SLC5A11: variants seen among roughly 807,000 people sequenced by gnomAD.
The protein encoded by SLC5A11 is sodium/myo-inositol cotransporter 2.
SLC5A11 carries 48 observed loss-of-function variants against 69.8 expected under a neutral mutation model. The observed-to-expected ratio is 0.69, with a 90% CI of 0.55 to 0.87. The LOEUF (loss-of-function observed/expected upper bound fraction) is 0.87, where lower values mean the gene tolerates loss of function less well. Ranked by LOEUF, SLC5A11 falls within the 40% of genes least tolerant of loss-of-function variation. SLC5A11 has a pLI of 0.00. For synonymous variants in SLC5A11, 319 were observed against 342.4 expected (o/e 0.93, Z 0.75); for missense variants, 784 against 866.1 (o/e 0.91, Z 1.19).
intron 11 of SLC5A11, 89 bp from the exon 13 acceptor site, chr16:24,906,936 T>C: frequency 6.5e-7 from 1 of 1,546,382 alleles, no homozygotes; most frequent in South Asian, 1.2e-5. Flanking sequence ...CCGTCCTCCC[T>C]GAGGTTCTGC....
intron 3 of SLC5A11, among the ~76,000 whole-genome samples, chr16:24,866,357 G>A (rs1261495133): frequency 6.6e-6 from 1 of 151,732 alleles, no homozygotes; most frequent in African/African-American, 2.4e-5. Flanking sequence ...CCAGCACTTT[G>A]GGAGGCCAAG....
intron 8 of SLC5A11, among the ~76,000 whole-genome samples, chr16:24,885,474 G>A (rs12925264): frequency 0.38 from 57,942 of 151,520 alleles, 12,266 homozygotes; most frequent in Non-Finnish European, 0.48. Context: ...TAGTGAGACT[G>A]TCTCTACAAA....
chr16:24,880,939 C>T (rs1464909151), intron 7 of SLC5A11, among the ~76,000 whole-genome samples: 4 of 152,106 alleles, frequency 2.6e-5, no homozygotes, highest in African/African-American at 4.8e-5. Flanking sequence ...CACAGTGGCT[C>T]ACACCTGTAA....
intron 8 of SLC5A11, among the ~76,000 whole-genome samples, chr16:24,888,867 G>T (rs2048580002): frequency 7.6e-6 from 1 of 130,808 alleles, no homozygotes; most frequent in African/African-American, 2.8e-5. Flanking sequence ...TGTGATCTTG[G>T]CTCACTGCAA....
At chr16:24,849,593 A>AAAAAAAAAT in intron 1 of SLC5A11, among the ~76,000 whole-genome samples, 11 of 35,904 alleles carry the variant, frequency 3.1e-4, no homozygotes, top group African/African-American at 1.0e-3. Context: ...AAAAAAAAAA[A>AAAAAAAAAT]ATATATATAT....
intron 9 of SLC5A11, among the ~76,000 whole-genome samples, chr16:24,893,275 G>A (rs1241127849): frequency 1.4e-5 from 2 of 147,190 alleles, no homozygotes; most frequent in East Asian, 4.0e-4. Context: ...GCAGCAAAGT[G>A]AGACTCCATC....
At chr16:24,883,796 T>C (rs777805882) in intron 7 of SLC5A11, among the ~76,000 whole-genome samples, 5 of 152,180 alleles carry the variant, frequency 3.3e-5, no homozygotes, top group Non-Finnish European at 5.9e-5. Context: ...CCACATTCTA[T>C]TGGTCAAAGC....
At chr16:24,850,442 C>CCCAGG (rs940323777) in intron 1 of SLC5A11, among the ~76,000 whole-genome samples, 2 of 152,238 alleles carry the variant, frequency 1.3e-5, no homozygotes, top group Admixed American at 6.5e-5. Flanking sequence ...GCTCCCTAGA[C>CCCAGG]CCAGGCCAGG....
Position 24,906,640 on chromosome 16 carries a change from C to T in SLC5A11, c.1007-17C>T, listed in dbSNP as rs1223257834. On this transcript the variant is annotated splice_polypyrimidine_tract_variant and intron_variant, in intron 10 of 15. Transcript: ENST00000347898. ...GGGGCCTGACTGCTCACCTCTGGGC[C>T]TGTGTTTCCTTCGTAGATCAAGTGG... 1 of 1,585,990 alleles carries T rather than the reference C, an allele frequency of 6.3e-7. No homozygotes were observed. Among genetic ancestry groups the T allele is most frequent in the Non-Finnish European group, 8.6e-7 (1 of 1,162,308 alleles).
At chr16:24,870,226 C>G (rs1019867020) in intron 4 of SLC5A11, among the ~76,000 whole-genome samples, 4 of 151,460 alleles carry the variant, frequency 2.6e-5, no homozygotes, top group African/African-American at 9.7e-5. Context: ...AACCCCGTCT[C>G]TACTAAAAAT....
At chr16:24,878,476 A>C (rs914884667) in intron 7 of SLC5A11, among the ~76,000 whole-genome samples, 1 of 151,842 alleles carries the variant, frequency 6.6e-6, no homozygotes, top group East Asian at 1.9e-4. Flanking sequence ...GCTTGATATA[A>C]CTCATTCCAT....
intron 9 of SLC5A11, among the ~76,000 whole-genome samples, chr16:24,892,691 C>T (rs1437244059): frequency 6.6e-6 from 1 of 152,078 alleles, no homozygotes; most frequent in Non-Finnish European, 1.5e-5. Context: ...CAATGTACCA[C>T]TTGGGGAGTT....
At chr16:24,899,286 C>G (rs2152395893) in intron 10 of SLC5A11, among the ~76,000 whole-genome samples, 1 of 152,298 alleles carries the variant, frequency 6.6e-6, no homozygotes, top group Middle Eastern at 3.4e-3. Flanking sequence ...TTGAAACCAA[C>G]TAGGCTAAGG....
intron 9 of SLC5A11, among the ~76,000 whole-genome samples, chr16:24,894,318 C>T (rs891596069): frequency 6.6e-6 from 1 of 152,164 alleles, no homozygotes; most frequent in Non-Finnish European, 1.5e-5. Flanking sequence ...CTCCTCCTTT[C>T]CCACCCCAAG....
chr16:24,880,452 A>T (rs545789027), intron 7 of SLC5A11, among the ~76,000 whole-genome samples: 1 of 152,260 alleles, frequency 6.6e-6, no homozygotes, highest in East Asian at 1.9e-4. Flanking sequence ...CTCCTGCCTC[A>T]GCCTCCCAAA....
chr16:24,875,782 A>G, intron 6 of SLC5A11, 51 bp downstream of exon 7: 1 of 1,425,544 alleles, frequency 7.0e-7, no homozygotes, highest in Non-Finnish European at 9.8e-7. Context: ...GGGAGAAGAT[A>G]AGGCACAGAT....
intron 6 of SLC5A11, 103 bp downstream of exon 7, chr16:24,875,834 T>C: frequency 1.1e-6 from 1 of 916,216 alleles, no homozygotes; most frequent in Non-Finnish European, 1.7e-6. Flanking sequence ...TTTCTCCTCG[T>C]CTTTCATAGG....
chr16:24,883,548 T>C (rs1044743685), intron 7 of SLC5A11, among the ~76,000 whole-genome samples: 3 of 152,178 alleles, frequency 2.0e-5, no homozygotes, highest in African/African-American at 7.2e-5. Context: ...GGGTGGATAT[T>C]TGCTAGTCTA....
At chr16:24,859,508 G>A (rs893148580) in intron 2 of SLC5A11, among the ~76,000 whole-genome samples, 4 of 152,132 alleles carry the variant, frequency 2.6e-5, no homozygotes, top group South Asian at 2.1e-4. Context: ...TATGACAAGC[G>A]ATGAAAAATC....
Sources: allele counts gnomAD v4.1 joint callset (sites outside exome capture counted in the v4.1 genomes callset), GRCh38; gene constraint gnomAD v4.1.1; transcripts MANE v1.5; gene names NCBI Gene and HGNC (gene_info 2026-07-23, HGNC 2026-07-21).